TMEM131: variants seen among roughly 807,000 people sequenced by gnomAD.
TMEM131 encodes the protein transmembrane protein 131.
Under a neutral mutation model 211.6 loss-of-function variants are expected in TMEM131, and 66 were observed. The ratio of observed to expected loss-of-function variants is 0.31; its 90% CI spans 0.26 to 0.38. The LOEUF (loss-of-function observed/expected upper bound fraction) is 0.38. TMEM131 is among the 10% of genes least tolerant of loss of function. TMEM131 has a pLI of 1.00. For missense variants in TMEM131, 2,036 were observed against 2,299.3 expected (o/e 0.89, Z 2.34); for synonymous variants, 844 against 841.3 (o/e 1.00, Z -0.06).
chr2:97,793,804 C>T (rs1362222207), intron 29 of TMEM131, among the ~76,000 whole-genome samples: 1 of 151,648 alleles, frequency 6.6e-6, no homozygotes. Flanking sequence ...ACCATCCTGG[C>T]TAACATGGTG....
intron 1 of TMEM131, among the ~76,000 whole-genome samples, chr2:97,964,341 T>C (rs896697867): frequency 6.6e-6 from 1 of 152,266 alleles, no homozygotes; most frequent in Non-Finnish European, 1.5e-5. Context: ...ATTTTGCTCA[T>C]GTCACTTCCT....
At chr2:97,842,055 T>C in intron 6 of TMEM131, 118 bp from the exon 7 acceptor site, 1 of 1,018,412 alleles carries the variant, frequency 9.8e-7, no homozygotes, top group Non-Finnish European at 1.3e-6. Context: ...AAATTAACAA[T>C]CCCTTTATTT....
At chr2:97,944,038 C>T (rs180679454) in intron 1 of TMEM131, among the ~76,000 whole-genome samples, 7 of 151,996 alleles carry the variant, frequency 4.6e-5, no homozygotes, top group East Asian at 3.9e-4. Flanking sequence ...GCCAAGATTG[C>T]GCCACTGCAC....
intron 11 of TMEM131, chr2:97,827,504 G>A (rs1682460268): frequency 1.8e-6 from 2 of 1,087,788 alleles, no homozygotes; most frequent in East Asian, 4.7e-5. Context: ...ACTGAGGAGA[G>A]TCCAGCCTCT....
At chr2:97,838,426 C>CTTTTTTTTTTTTTTTTTT (rs753635047) in intron 7 of TMEM131, among the ~76,000 whole-genome samples, 5 of 89,094 alleles carry the variant, frequency 5.6e-5, no homozygotes, top group African/African-American at 2.1e-4. Context: ...TAAGCTTAAA[C>CTTTTTTTTTTTTTTTTTT]TTTTTTTTTT....
chr2:97,841,747 G>A (rs997443405), intron 7 of TMEM131, 68 bp downstream of exon 7: 2 of 1,453,600 alleles, frequency 1.4e-6, no homozygotes, highest in African/African-American at 2.8e-5. Flanking sequence ...GTAACAAACT[G>A]AGATTTCATG....
chr2:97,887,917 A>G (rs1675226212), intron 4 of TMEM131, 135 bp downstream of exon 4: 3 of 639,590 alleles, frequency 4.7e-6, no homozygotes, highest in Non-Finnish European at 8.2e-6. Context: ...TGCATTCAGT[A>G]TCATTTGTTT....
intron 5 of TMEM131, among the ~76,000 whole-genome samples, chr2:97,851,836 C>T (rs2105144428): frequency 6.6e-6 from 1 of 152,264 alleles, no homozygotes; most frequent in South Asian, 2.1e-4. Flanking sequence ...TCCTAAGATA[C>T]AATAATATTA....
chr2:97,919,939 G>C (rs1426700859), intron 2 of TMEM131, among the ~76,000 whole-genome samples: 1 of 152,164 alleles, frequency 6.6e-6, no homozygotes, highest in Non-Finnish European at 1.5e-5. Context: ...TTGGCATTCA[G>C]TTGTGAAAAA....
At chr2:97,972,256 T>C (rs1274673522) in intron 1 of TMEM131, among the ~76,000 whole-genome samples, 1 of 152,026 alleles carries the variant, frequency 6.6e-6, no homozygotes, top group Non-Finnish European at 1.5e-5. Flanking sequence ...GAGAGACTGC[T>C]CAGGAGGGCC....
intron 40 of TMEM131, 89 bp from the exon 41 acceptor site, chr2:97,757,472 T>C: frequency 7.2e-7 from 1 of 1,389,424 alleles, no homozygotes; most frequent in East Asian, 2.3e-5. Context: ...AAGATGAGGC[T>C]GGGGCACGCA....
At chr2:97,818,409 T>C (rs1681936024) in intron 12 of TMEM131, among the ~76,000 whole-genome samples, 2 of 138,614 alleles carry the variant, frequency 1.4e-5, no homozygotes, top group Admixed American at 7.7e-5. Flanking sequence ...CTTTATAAAG[T>C]TGTGGTATTT....
chr2:97,885,376 A>G (rs1438369501), intron 4 of TMEM131, among the ~76,000 whole-genome samples: 1 of 151,350 alleles, frequency 6.6e-6, no homozygotes, highest in Non-Finnish European at 1.5e-5. Flanking sequence ...TTGTATTTTT[A>G]GTAGAGACGG....
At chr2:97,758,335 T>G (rs1386499700) in intron 40 of TMEM131, among the ~76,000 whole-genome samples, 1 of 152,230 alleles carries the variant, frequency 6.6e-6, no homozygotes, top group African/African-American at 2.4e-5. Context: ...CATAATTTTG[T>G]GGAAGCCAAA....
intron 1 of TMEM131, among the ~76,000 whole-genome samples, chr2:97,941,798 T>A (rs576369427): frequency 6.6e-6 from 1 of 152,294 alleles, no homozygotes; most frequent in Non-Finnish European, 1.5e-5. Context: ...CCAGTTAGAA[T>A]GGTGATTATT....
At chr2:97,827,436 C>A in intron 11 of TMEM131, 2 of 1,051,114 alleles carry the variant, frequency 1.9e-6, no homozygotes, top group Non-Finnish European at 3.0e-6. Flanking sequence ...GAAAACAGGC[C>A]GAAGTGGCTA....
chr2:97,917,275 T>C (rs1432355746), intron 2 of TMEM131, among the ~76,000 whole-genome samples: 1 of 152,222 alleles, frequency 6.6e-6, no homozygotes, highest in Non-Finnish European at 1.5e-5. Flanking sequence ...AACCCTGAAG[T>C]AGTTAATATC....
chr2:97,759,514 G>T, intron 39 of TMEM131, 138 bp downstream of exon 39: 1 of 706,908 alleles, frequency 1.4e-6, no homozygotes, highest in Non-Finnish European at 2.4e-6. Flanking sequence ...GAGGGGAGGG[G>T]ACCCTTCCCA....
At chr2:97,891,639 G>A (rs1398845705) in intron 3 of TMEM131, among the ~76,000 whole-genome samples, 1 of 152,154 alleles carries the variant, frequency 6.6e-6, no homozygotes, top group East Asian at 1.9e-4. Flanking sequence ...GGTCAAAGTT[G>A]AGCAGGAAAC....
Sources: gnomAD v4.1 joint callset for allele counts (sites outside exome capture counted in the v4.1 genomes callset) on GRCh38, gnomAD v4.1.1 for gene constraint, MANE v1.5 for transcripts, NCBI Gene and HGNC (gene_info 2026-07-23, HGNC 2026-07-21) for gene names.